The following SCN3A variants were observed in gnomAD, a reference collection of about 807,000 sequenced individuals.
SCN3A encodes the protein sodium channel protein type 3 subunit alpha.
In SCN3A, 60 loss-of-function variants were observed where a neutral mutation model predicts 187.6. The ratio of observed to expected loss-of-function variants is 0.32; its 90% CI spans 0.26 to 0.40. SCN3A has a LOEUF of 0.40. Among genes scored for constraint, SCN3A ranks in the 10% least tolerant of loss-of-function variants. SCN3A has a pLI of 1.00. For missense variants in SCN3A, 1,601 were observed against 2,428.2 expected (o/e 0.66, Z 7.16); for synonymous variants, 788 against 829.2 (o/e 0.95, Z 0.85).
At chr2:165,119,658 T>C (rs1686553914) in intron 18 of SCN3A, 1 of 152,176 alleles carries the variant, frequency 6.6e-6, no homozygotes, top group Non-Finnish European at 1.5e-5. Flanking sequence ...ATACATCTTA[T>C]TATAGCCATA....
chr2:165,154,679 T>C (rs1224831806), intron 10 of SCN3A, 21 bp from the exon 11 acceptor site: 1 of 1,594,284 alleles, frequency 6.3e-7, no homozygotes, highest in South Asian at 1.1e-5. Context: ...TGGGGGATAA[T>C]TCCATCAGTA....
At chr2:165,148,682 G>A (rs1434396335) in intron 11 of SCN3A, among the ~76,000 whole-genome samples, 5 of 151,800 alleles carry the variant, frequency 3.3e-5, no homozygotes, top group Non-Finnish European at 7.4e-5. Flanking sequence ...ATTCATAATG[G>A]AAGCTCAAAT....
At chr2:165,174,434 G>A (rs1223900936) in intron 3 of SCN3A, among the ~76,000 whole-genome samples, 4 of 152,172 alleles carry the variant, frequency 2.6e-5, no homozygotes, top group Non-Finnish European at 5.9e-5. Flanking sequence ...CCACAATGAG[G>A]TGGCCTGGCC....
chr2:165,092,688 T>G lies in SCN3A; in HGVS notation c.4537-164A>C. The G allele has an allele frequency of 1.5e-6, 1 of 677,940 alleles. No individual in the cohort carries two copies. The highest frequency in any genetic ancestry group is 2.4e-6 in the Non-Finnish European group (1 of 409,136). 42.0% of individuals were successfully genotyped at this position (677,940 alleles called of 1,614,324 possible). On this transcript the variant is annotated intron_variant, in intron 26 of 27. Coordinates refer to ENST00000283254, the MANE Select transcript of SCN3A (RefSeq NM_006922.4). This position sits in a 1 kb window ranked among gnomAD's most constrained non-coding sequence, Gnocchi z 4.2. ...TTTTTTCTCTTCATGTTAAAAAAAA[T>G]GGAAAAAAAATTTATATAGCTAAAC...
intron 4 of SCN3A, among the ~76,000 whole-genome samples, chr2:165,169,272 T>C (rs1423786899): frequency 1.3e-5 from 2 of 151,978 alleles, no homozygotes; most frequent in Non-Finnish European, 2.9e-5. Flanking sequence ...ATTACATTGA[T>C]TGAGAATTCT....
At chr2:165,102,520 T>A (rs1685656132) in intron 21 of SCN3A, among the ~76,000 whole-genome samples, 1 of 145,752 alleles carries the variant, frequency 6.9e-6, no homozygotes, top group African/African-American at 2.5e-5. Context: ...CTTTTCTCTT[T>A]AAAAAAAAAA....
At position 165,140,567 on chromosome 2, in the gene SCN3A, C is replaced by T. The variant is rs1256324863; in HGVS notation, c.2019+84G>A. 5.8e-5 allele frequency: 67 copies of T among 1,146,442 alleles called. 1 individual carries two copies. In the South Asian group the frequency reaches 6.2e-4, roughly 11 times the overall value. 71.0% of individuals were successfully genotyped at this position (1,146,442 alleles called of 1,614,324 possible). On this transcript the variant is annotated intron_variant, in intron 13 of 27. Transcript: ENST00000283254. The surrounding 1 kb of genome is among the most constrained non-coding windows in gnomAD (Gnocchi z 4.2). ...CAACTTTCATTTTGAGGAAGCAGGACGGTATGACAGCCTAAACTGTCCAGG... is the reference window on the plus strand; with the variant it reads ...CAACTTTCATTTTGAGGAAGCAGGATGGTATGACAGCCTAAACTGTCCAGG...
intron 15 of SCN3A, among the ~76,000 whole-genome samples, chr2:165,133,726 C>T (rs1687498219): frequency 6.6e-6 from 1 of 151,356 alleles, no homozygotes; most frequent in South Asian, 2.1e-4. Flanking sequence ...TCTGGATTTC[C>T]AAGAAAAACA....
intron 11 of SCN3A, among the ~76,000 whole-genome samples, chr2:165,153,894 C>G (rs1329653567): frequency 1.3e-5 from 2 of 151,700 alleles, no homozygotes; most frequent in East Asian, 3.9e-4. Context: ...CACTATACCC[C>G]TAGCTCACAC....
intron 16 of SCN3A, 158 bp from the exon 17 acceptor site, chr2:165,130,454 C>A: frequency 1.4e-6 from 1 of 727,996 alleles, no homozygotes; most frequent in Admixed American, 2.6e-5. Flanking sequence ...ATAGTGTTAA[C>A]AATATTAGAA....
intron 1 of SCN3A, among the ~76,000 whole-genome samples, chr2:165,201,675 G>A (rs1434125546): frequency 1.3e-5 from 2 of 151,970 alleles, no homozygotes; most frequent in African/African-American, 4.8e-5. Flanking sequence ...AACCTGCCAA[G>A]CTCTTGCTCT....
intron 18 of SCN3A, among the ~76,000 whole-genome samples, chr2:165,126,883 A>T (rs1047813213): frequency 1.3e-5 from 2 of 152,212 alleles, no homozygotes; most frequent in African/African-American, 4.8e-5. Flanking sequence ...ACTTTCATAA[A>T]TGAAACACTA....
Position 165,127,832 on chromosome 2 carries a change from A to C in SCN3A, c.3192T>G (p.Leu1064=). Residue 1064 remains leucine (L), a synonymous_variant, in exon 18 of 28, where the codon CTT becomes CTG. Transcript: ENST00000283254. ...CACTGGTGGTTCCATTCCCATCTCT[A>C]AGATAATTAAGCTCTTTGCTTATTT... The part of the protein sequence containing the change: ...GIEISKELNY[L]RDGNGTTSGV... The C allele has an allele frequency of 6.2e-7, 1 of 1,614,178 alleles. No homozygotes were observed. Among genetic ancestry groups the C allele is most frequent in the East Asian group, 2.2e-5 (1 of 44,872 alleles).
Position 165,154,675 on chromosome 2 carries a change from A to T in SCN3A, c.1174-17T>A, listed in dbSNP as rs2105862065. On this transcript the variant is annotated splice_polypyrimidine_tract_variant and intron_variant, in intron 10 of 27. Transcript: ENST00000283254. ...ACGTAATGTCTAGGGGAAATGGGGG[A>T]TAATTCCATCAGTATTTTAGTATAA... 1.3e-6 allele frequency: 2 copies of T among 1,599,552 alleles called. No individual in the cohort carries two copies. Among genetic ancestry groups the T allele is most frequent in the African/African-American group, 1.3e-5 (1 of 74,680 alleles).
In SCN3A at chr2:165,146,840, G is replaced by A; in HGVS notation, c.1570C>T (p.Pro524Ser). The A allele has an allele frequency of 6.2e-7, 1 of 1,614,072 alleles. No homozygotes were observed. Among genetic ancestry groups the A allele is most frequent in the Non-Finnish European group, 8.5e-7 (1 of 1,179,976 alleles). Reference sequence around the variant, plus strand: ...ACGCTGTCTTCAGATTCGGATTTGGGAAAGCTGTCTCTCTCTCCTTTGTTG... The same window carrying A: ...ACGCTGTCTTCAGATTCGGATTTGGAAAAGCTGTCTCTCTCTCCTTTGTTG... The part of the protein sequence containing the change: ...GNNKGERDSF[P>S]KSESEDSVKR... The change falls in exon 12 of 28, where the codon CCC becomes TCC. Residue 524 changes from proline (P) to serine (S), a missense_variant. Pro to Ser is a moderately conservative substitution (Grantham distance 74). This residue lies in a region of SCN3A where 376 missense variants were observed against 476.0 expected (regional missense o/e 0.79). Coordinates refer to ENST00000283254, the MANE Select transcript of SCN3A (RefSeq NM_006922.4).
chr2:165,185,340 A>T (rs981081914), intron 2 of SCN3A, among the ~76,000 whole-genome samples: 2 of 152,188 alleles, frequency 1.3e-5, no homozygotes, highest in African/African-American at 2.4e-5. Context: ...ATTCCATTCC[A>T]GATGTTTCCT....
chr2:165,201,232 C>G (rs998690167), intron 1 of SCN3A, among the ~76,000 whole-genome samples: 1 of 151,988 alleles, frequency 6.6e-6, no homozygotes, highest in African/African-American at 2.4e-5. Flanking sequence ...TATAAACTCT[C>G]CAGGAATTGC....
chr2:165,126,245 C>T (rs753914089), intron 18 of SCN3A, among the ~76,000 whole-genome samples: 14 of 152,222 alleles, frequency 9.2e-5, no homozygotes, highest in South Asian at 2.1e-4. Flanking sequence ...ATGTATTAAA[C>T]GTCTATAAAT....
chr2:165,106,148 A>G (rs943166215), intron 21 of SCN3A, among the ~76,000 whole-genome samples: 2 of 152,184 alleles, frequency 1.3e-5, no homozygotes, highest in Non-Finnish European at 2.9e-5. Context: ...GGTGACTACA[A>G]TATGGTACAG....
Sources: allele counts gnomAD v4.1 joint callset (sites outside exome capture counted in the v4.1 genomes callset), GRCh38; gene constraint gnomAD v4.1.1; regional missense constraint gnomAD v4.1.1; non-coding constraint Gnocchi (gnomAD v3.1); transcripts MANE v1.5; gene names NCBI Gene and HGNC (gene_info 2026-07-23, HGNC 2026-07-21).